NLRC4: variants seen among roughly 807,000 people sequenced by gnomAD.
NLRC4 encodes NLR family CARD domain-containing protein 4.
NLRC4 carries 63 observed loss-of-function variants against 79.9 expected under a neutral mutation model. That is an observed-to-expected ratio of 0.79 (90% CI 0.64 to 0.97). The LOEUF (loss-of-function observed/expected upper bound fraction) is 0.97. Among genes scored for constraint, NLRC4 ranks in the 50% least tolerant of loss-of-function variants. The pLI is 0.00. For synonymous variants in NLRC4, 461 were observed against 456.5 expected (o/e 1.01, Z -0.12); for missense variants, 1,074 against 1,215.2 (o/e 0.88, Z 1.73).
Position 32,250,014 on chromosome 2 carries a change from T to G in NLRC4, c.1850A>C (p.Tyr617Ser). The G allele has an allele frequency of 6.2e-7, 1 of 1,614,204 alleles. No homozygotes were observed. Among genetic ancestry groups the G allele is most frequent in the Non-Finnish European group, 8.5e-7 (1 of 1,180,038 alleles). The change falls in exon 4 of 9, where the codon TAT (tyrosine) becomes TCT (serine). Residue 617 changes from tyrosine (Y) to serine (S), a missense_variant. Transcript: ENST00000402280. The surrounding 1 kb of genome is among the most constrained non-coding windows in gnomAD (Gnocchi z 4.9). ...TTCCCATGAAGCCATAGCTCCCCCATAAAAGTCCAGTTTAATGAAGTCCAG... is the reference window on the plus strand; with the variant it reads ...TTCCCATGAAGCCATAGCTCCCCCAGAAAAGTCCAGTTTAATGAAGTCCAG... Reference protein sequence around the residue: ...SALDFIKLDFYGGAMASWEKA... With the variant: ...SALDFIKLDFSGGAMASWEKA...
intron 8 of NLRC4, among the ~76,000 whole-genome samples, chr2:32,225,190 T>A (rs1217948721): frequency 6.6e-6 from 1 of 152,324 alleles, no homozygotes; most frequent in East Asian, 1.9e-4. Context: ...TCTATGGGTA[T>A]GTTCCTAACT....
At chr2:32,236,115 A>G in intron 7 of NLRC4, 132 bp downstream of exon 7, 1 of 566,634 alleles carries the variant, frequency 1.8e-6, no homozygotes, top group South Asian at 2.4e-5. Flanking sequence ...AAAGGCCTAA[A>G]TGATTTTCCT....
intron 4 of NLRC4, among the ~76,000 whole-genome samples, chr2:32,242,941 A>G (rs1251159960): frequency 6.6e-6 from 1 of 152,068 alleles, no homozygotes; most frequent in Non-Finnish European, 1.5e-5. Context: ...CTGGCTACTC[A>G]GGAGGCTGAG....
At position 32,250,336 on chromosome 2, in the gene NLRC4, C is replaced by T. The variant is rs199646963; in HGVS notation, c.1528G>A (p.Ala510Thr). The T allele has an allele frequency of 1.9e-5, 31 of 1,614,170 alleles. No individual in the cohort carries two copies. Among genetic ancestry groups the T allele is most frequent in the East Asian group, 2.2e-5 (1 of 44,886 alleles). The change falls in exon 4 of 9, where the codon GCA (alanine) becomes ACA (threonine). Residue 510 changes from alanine (A) to threonine (T), a missense_variant. Coordinates refer to ENST00000402280, the MANE Select transcript of NLRC4 (RefSeq NM_001199138.2). The surrounding 1 kb of genome is among the most constrained non-coding windows in gnomAD (Gnocchi z 4.9). ...AGGCAGCCGTGTTGATACACTGCTG[C>T]GAGGTGCTTCATAACAGCCCTGGTG... ...EATRAVMKHL[A>T]AVYQHGCLLG... is the part of the protein sequence containing the mutation.
chr2:32,240,971 T>C, intron 5 of NLRC4, 62 bp downstream of exon 5: 1 of 1,027,604 alleles, frequency 9.7e-7, no homozygotes, highest in Non-Finnish European at 1.5e-6. Context: ...TGTCAGAGCC[T>C]GAAGTTAACT....
At chr2:32,253,988 C>T (rs1461534136) in intron 2 of NLRC4, among the ~76,000 whole-genome samples, 4 of 138,678 alleles carry the variant, frequency 2.9e-5, no homozygotes, top group Non-Finnish European at 6.2e-5. Context: ...AAAAAAAGTA[C>T]GTGCTGCTAA....
chr2:32,241,141 A>C lies in NLRC4; in HGVS notation c.2258-16T>G. ...GTCAGACCACCTGTCAAAAGAAAAA[A>C]GATTGGACTCTTTCAGCAGATATTT... On this transcript the variant is annotated splice_polypyrimidine_tract_variant and intron_variant, in intron 4 of 8. Transcript: ENST00000402280. 6.8e-7 allele frequency: 1 copy of C among 1,471,350 alleles called. No individual in the cohort carries two copies. The highest frequency in any genetic ancestry group is 9.5e-7 in the Non-Finnish European group (1 of 1,055,184). 91.1% of individuals were successfully genotyped at this position (1,471,350 alleles called of 1,614,324 possible). A position where few individuals can be genotyped will look rare whatever the true frequency, so the allele number is the denominator to read the frequency against.
At chr2:32,235,677 C>T (rs1040188246) in intron 7 of NLRC4, 109 bp from the exon 8 acceptor site, 2 of 864,596 alleles carry the variant, frequency 2.3e-6, no homozygotes, top group Non-Finnish European at 1.8e-6. Context: ...CTGCAGCCTA[C>T]TCAATCTGTA....
intron 4 of NLRC4, among the ~76,000 whole-genome samples, chr2:32,241,657 C>T (rs917267546): frequency 1.3e-5 from 2 of 152,052 alleles, no homozygotes; most frequent in African/African-American, 4.8e-5. Context: ...GGATTACAGG[C>T]GTGAGCCACT....
intron 5 of NLRC4, among the ~76,000 whole-genome samples, chr2:32,239,055 C>T (rs1162483484): frequency 1.3e-5 from 2 of 151,954 alleles, no homozygotes; most frequent in African/African-American, 4.8e-5. Context: ...CAGTGATAGG[C>T]GAATCACCTG....
chr2:32,257,530 C>T (rs1352595971), intron 1 of NLRC4, among the ~76,000 whole-genome samples: 1 of 151,570 alleles, frequency 6.6e-6, no homozygotes. Context: ...TCACTTGAGC[C>T]CGGGAGACGG....
intron 4 of NLRC4, among the ~76,000 whole-genome samples, chr2:32,241,369 C>CTTTTTTTTTT (rs34150887): frequency 1.3e-5 from 1 of 74,360 alleles, no homozygotes; most frequent in Non-Finnish European, 2.4e-5. Flanking sequence ...AAAAAATTTC[C>CTTTTTTTTTT]TTTTTTTTTT....
In NLRC4 at chr2:32,235,509, C is replaced by T. The variant is rs753697675; in HGVS notation, c.2674G>A (p.Val892Met). 3.1e-5 allele frequency: 50 copies of T among 1,614,006 alleles called. No individual in the cohort carries two copies. Among genetic ancestry groups the T allele is most frequent in the African/African-American group, 4.0e-5 (3 of 74,922 alleles). Reference protein sequence around the residue: ...TALMLPWGCDVQGSLSSLLKH... With the variant: ...TALMLPWGCDMQGSLSSLLKH... The stretch of plus-strand genomic sequence containing the variant: ...AACAGGCTGCTCAGGCTGCCTTGCA[C>T]GTCACAGCCCCAGGGCAGCATCAGT... Residue 892 changes from valine (V) to methionine (M), a missense_variant, in exon 8 of 9, where the codon GTG becomes ATG. Physicochemically the swap from Val to Met is conservative, Grantham distance 21. Coordinates refer to ENST00000402280, the MANE Select transcript of NLRC4 (RefSeq NM_001199138.2).
chr2:32,226,747 G>A (rs1686409567), intron 8 of NLRC4, among the ~76,000 whole-genome samples: 1 of 152,114 alleles, frequency 6.6e-6, no homozygotes, highest in Admixed American at 6.5e-5. Flanking sequence ...AGGCGTGGTG[G>A]TGCATGCCTG....
Position 32,250,208 on chromosome 2 carries a change from A to G in NLRC4, c.1656T>C (p.Asn552=). The G allele has an allele frequency of 6.2e-7, 1 of 1,614,198 alleles. No individual in the cohort carries two copies. Among genetic ancestry groups the G allele is most frequent in the South Asian group, 1.1e-5 (1 of 91,082 alleles). ...EQEILKAINI[N]SFVECGIHLY... ...AATGGATGCCACACTCTACAAAGGA[A>G]TTGATGTTTATGGCTTTCAGAATTT... is the stretch of plus-strand genomic sequence containing the variant. Residue 552 remains asparagine (N), a synonymous_variant, in exon 4 of 9, where the codon AAT becomes AAC. Coordinates refer to ENST00000402280, the MANE Select transcript of NLRC4 (RefSeq NM_001199138.2). This position sits in a 1 kb window ranked among gnomAD's most constrained non-coding sequence, Gnocchi z 4.9.
At chr2:32,257,798 C>G (rs1042733877) in intron 1 of NLRC4, among the ~76,000 whole-genome samples, 4 of 151,810 alleles carry the variant, frequency 2.6e-5, no homozygotes, top group African/African-American at 9.7e-5. Context: ...CTTCAGTGCC[C>G]GCTGCTCAGA....
intron 5 of NLRC4, among the ~76,000 whole-genome samples, chr2:32,238,641 A>G (rs187579033): frequency 6.5e-5 from 9 of 139,226 alleles, no homozygotes; most frequent in Non-Finnish European, 1.1e-4. Context: ...TCTCCTTTCA[A>G]TCTTCTCAAA....
chr2:32,241,796 ACAAAACTT>A (rs2148936992), intron 4 of NLRC4, among the ~76,000 whole-genome samples: 1 of 152,302 alleles, frequency 6.6e-6, no homozygotes, highest in South Asian at 2.1e-4. Context: ...AAAAATAAAA[ACAAAACTT>A]CAAAATCTGC....
intron 8 of NLRC4, among the ~76,000 whole-genome samples, chr2:32,233,087 G>A (rs1044008173): frequency 1.4e-5 from 2 of 141,944 alleles, no homozygotes; most frequent in East Asian, 4.2e-4. Context: ...TCCAGCCTGG[G>A]CAACAGGGAG....
Sources: allele counts gnomAD v4.1 joint callset (sites outside exome capture counted in the v4.1 genomes callset), GRCh38; gene constraint gnomAD v4.1.1; non-coding constraint Gnocchi (gnomAD v3.1); transcripts MANE v1.5; gene names NCBI Gene and HGNC (gene_info 2026-07-23, HGNC 2026-07-21).